Variants in ATAD3C observed in about 807,000 individuals in gnomAD.
ATAD3C encodes the protein ATPase family AAA domain-containing protein 3C.
In ATAD3C, 38 loss-of-function variants were observed where a neutral mutation model predicts 46.3. The observed-to-expected ratio is 0.82, with a 90% CI of 0.63 to 1.08. The LOEUF is 1.08. Among genes scored for constraint, ATAD3C ranks in the 50% least tolerant of loss-of-function variants. The pLI is 0.00. For synonymous variants in ATAD3C, 220 were observed against 236.4 expected, an observed-to-expected ratio of 0.93 and a Z score of 0.63; for missense variants, 563 against 572.7, an observed-to-expected ratio of 0.98 and a Z score of 0.17.
rs538138305 is a variant in ATAD3C, at chr1:1,450,639, C to T, written c.-45C>T. On this transcript the variant is annotated 5_prime_UTR_variant, in exon 1 of 12. Transcript: ENST00000378785. Reference sequence around the variant, plus strand: ...GTGTGCGTGCCTGCCCAGCGGCATCCGTGTATCCTAACACCTGCCCTCCGT... The same window carrying T: ...GTGTGCGTGCCTGCCCAGCGGCATCTGTGTATCCTAACACCTGCCCTCCGT... 8.7e-5 allele frequency: 138 copies of T among 1,588,522 alleles called. No individual in the cohort carries two copies. The African/African-American group carries it at 1.1e-3, about 13-fold the overall frequency.
Position 1,456,271 on chromosome 1 carries a change from G to T in ATAD3C, c.611G>T (p.Gly204Val). ...ATGGACTACGCCATCATGACAGGCG[G>T]GGACGTGGCCCCCATGGGGCGGGAA... ...SGMDYAIMTG[G>V]DVAPMGREGV... Residue 204 changes from glycine to valine, a missense_variant, in exon 7 of 12, where the codon GGG (glycine) becomes GTG (valine). By Grantham distance (109) the Gly-to-Val change is moderately radical. Transcript: ENST00000378785. 2.7e-6 allele frequency: 4 copies of T among 1,487,116 alleles called. No homozygotes were observed. The highest frequency in any genetic ancestry group is 1.8e-4 in the Middle Eastern group (1 of 5,594). 92.1% of individuals were successfully genotyped at this position (1,487,116 alleles called of 1,614,324 possible).
At chr1:1,467,414 C>G (rs542080749) in intron 11 of ATAD3C, among the ~76,000 whole-genome samples, 43 of 151,994 alleles carry the variant, frequency 2.8e-4, no homozygotes, top group African/African-American at 1.0e-3. Context: ...CCCGGGCCCC[C>G]GACCCACAGT....
rs1189515435 is a variant in ATAD3C, at chr1:1,455,475, C to T, written c.394C>T (p.Leu132Phe). Residue 132 changes from leucine (L) to phenylalanine (F), a missense_variant, in exon 5 of 12, where the codon CTC (leucine) becomes TTC (phenylalanine). Leu to Phe is a conservative substitution (Grantham distance 22). Around this residue, in one of 3 missense-constraint regions of ATAD3C, gnomAD observed 263 missense variants for 243.1 expected, o/e 1.08. Coordinates refer to ENST00000378785, the MANE Select transcript of ATAD3C (RefSeq NM_001039211.3). ...TCCCCTCCAGCAGGTCAGCCGGCGG[C>T]TCCTCAGTCGACCCCAGGACGTGCT... ...RHPIQQVSRR[L>F]LSRPQDVLEG... is the part of the protein sequence containing the mutation. 1.2e-6 allele frequency: 2 copies of T among 1,612,544 alleles called. No individual in the cohort carries two copies. The highest frequency in any genetic ancestry group is 2.2e-5 in the South Asian group (2 of 90,930).
intron 3 of ATAD3C, among the ~76,000 whole-genome samples, 168 bp from the exon 4 acceptor site, chr1:1,454,177 G>C (rs866788641): frequency 2.0e-4 from 30 of 152,124 alleles, no homozygotes; most frequent in African/African-American, 6.7e-4. Context: ...TCCTGTAACC[G>C]CGTGGCTGTG....
At chr1:1,461,953 A>G (rs1328673874) in intron 10 of ATAD3C, among the ~76,000 whole-genome samples, 1 of 152,022 alleles carries the variant, frequency 6.6e-6, no homozygotes, top group Non-Finnish European at 1.5e-5. Context: ...AGAGCCCTCC[A>G]GGTGATGAGG....
Position 1,462,869 on chromosome 1 carries a change from C to T in ATAD3C, c.1089+161C>T, listed in dbSNP as rs1557781224. 6.6e-6 allele frequency among the ~76,000 whole-genome samples: 1 copy of T among 152,086 alleles called. No individual in the cohort carries two copies. The highest frequency in any genetic ancestry group is 1.5e-5 in the Non-Finnish European group (1 of 67,986). ...CGGGGCCCCTGCCCCAGTTGGGCCA[C>T]TCCACGCAGCAGCGTGCACCTGCTC... On this transcript the variant is annotated intron_variant, in intron 11 of 11. Coordinates refer to ENST00000378785, the MANE Select transcript of ATAD3C (RefSeq NM_001039211.3). This position sits in a 1 kb window ranked among gnomAD's most constrained non-coding sequence, Gnocchi z 4.5.
rs1448151202 is a variant in ATAD3C at position 1,459,240 on chromosome 1, G to T, written c.812+9G>T. ...GGCCAGCACAGCAACAAGTGAGGGA[G>T]CCCCTCGGGTCCTGGGCCCCCGGGC... On this transcript the variant is annotated intron_variant, in intron 9 of 11. Transcript: ENST00000378785. The surrounding 1 kb of genome is among the most constrained non-coding windows in gnomAD (Gnocchi z 4.9). The T allele has an allele frequency of 6.2e-7, 1 of 1,611,994 alleles. No individual in the cohort carries two copies. Among genetic ancestry groups the T allele is most frequent in the Non-Finnish European group, 8.5e-7 (1 of 1,179,670 alleles).
At chr1:1,450,998 C>T (rs1309904403) in intron 1 of ATAD3C, among the ~76,000 whole-genome samples, 1 of 151,476 alleles carries the variant, frequency 6.6e-6, no homozygotes, top group Admixed American at 6.6e-5. Context: ...GTCCTGAGGG[C>T]CTGGATCTTC....
In ATAD3C at chr1:1,459,269, G is replaced by C. The variant is rs763502640; in HGVS notation, c.812+38G>C. The C allele has an allele frequency of 3.2e-5, 51 of 1,607,106 alleles. No individual in the cohort carries two copies. The highest frequency in any genetic ancestry group is 4.2e-5 in the Non-Finnish European group (50 of 1,179,692). The stretch of plus-strand genomic sequence containing the variant: ...CTCGGGTCCTGGGCCCCCGGGCAGG[G>C]CTGTGCAGCCGTCACCCTTGGTTCC... On this transcript the variant is annotated intron_variant, in intron 9 of 11. Transcript: ENST00000378785. The surrounding 1 kb of genome is among the most constrained non-coding windows in gnomAD (Gnocchi z 4.9).
At chr1:1,461,681 T>TATAC (rs1212531991) in intron 10 of ATAD3C, among the ~76,000 whole-genome samples, 1 of 150,878 alleles carries the variant, frequency 6.6e-6, no homozygotes, top group Non-Finnish European at 1.5e-5. Context: ...GACCCCCATG[T>TATAC]AGGGACTGGA....
rs530666230 is a variant in ATAD3C, at chr1:1,465,483, C to T, written c.1089+2775C>T. On this transcript the variant is annotated intron_variant, in intron 11 of 11. Transcript: ENST00000378785. ...GCAGGTGCCTGTAGTCCCAGCTACT[C>T]GGGAGGCTGAGGCAGGAGAATGGGG... Among the ~76,000 whole-genome samples, 65 of 147,804 alleles carry T rather than the reference C, an allele frequency of 4.4e-4. 1 individual carries two copies. The East Asian group carries it at 0.012, about 28-fold the overall frequency.
In ATAD3C at chr1:1,468,549, C is replaced by G. The variant is rs534598086; in HGVS notation, c.*19C>G. 375 of 1,591,310 alleles carry G rather than the reference C, an allele frequency of 2.4e-4. 5 individuals are homozygous for G. Among genetic ancestry groups the G allele is most frequent in the Non-Finnish European group, 3.0e-4 (356 of 1,167,946 alleles). On this transcript the variant is annotated 3_prime_UTR_variant, in exon 12 of 12. Transcript: ENST00000378785. ...ATCCTGAGTCCATGGGGAGACCACA[C>G]CTCACGGAGCCTGGCCGCGGACCCC...
chr1:1,465,316 G>A (rs938115223), intron 11 of ATAD3C, among the ~76,000 whole-genome samples: 3 of 151,748 alleles, frequency 2.0e-5, no homozygotes, highest in Non-Finnish European at 2.9e-5. Flanking sequence ...TGTGGGCCAG[G>A]CGCGGTGGCT....
At chr1:1,455,654 C>T (rs1462047813) in intron 5 of ATAD3C, 135 bp downstream of exon 5, 37 of 1,559,960 alleles carry the variant, frequency 2.4e-5, no homozygotes, top group East Asian at 1.2e-4. Context: ...TGGACCGTGC[C>T]GGGGATAGAT....
At chr1:1,450,853 T>C (rs1208022583) in intron 1 of ATAD3C, 95 bp downstream of exon 1, 16 of 1,556,746 alleles carry the variant, frequency 1.0e-5, no homozygotes, top group South Asian at 3.5e-5. Flanking sequence ...GGGCCGGGGG[T>C]GTGTACATGG....
In ATAD3C at chr1:1,460,773, G is replaced by A. The variant is rs938264673; in HGVS notation, c.836G>A (p.Cys279Tyr). The A allele has an allele frequency of 1.9e-6, 3 of 1,609,502 alleles. No individual in the cohort carries two copies. The African/African-American group carries it at 4.0e-5, about 22-fold the overall frequency. Residue 279 changes from cysteine to tyrosine, a missense_variant, in exon 10 of 12, where the codon TGC becomes TAC. This residue lies in a region of ATAD3C where 273 missense variants were observed against 253.5 expected (regional missense o/e 1.08). Transcript: ENST00000378785. Reference sequence around the variant, plus strand: ...AGATTCATGCTGATCCTGGCCAGCTGCCACCCCGAGCAGTTCGACTGGGCC... The same window carrying A: ...AGATTCATGCTGATCCTGGCCAGCTACCACCCCGAGCAGTTCGACTGGGCC... ...SNKFMLILAS[C>Y]HPEQFDWAIN...
chr1:1,466,483 G>A (rs1419209374), intron 11 of ATAD3C, among the ~76,000 whole-genome samples: 2 of 149,294 alleles, frequency 1.3e-5, no homozygotes, highest in Non-Finnish European at 3.0e-5. Context: ...AACCCGGGAG[G>A]TGGAGGTTGC....
Position 1,457,017 on chromosome 1 carries a change from G to T in ATAD3C, c.690-112G>T, listed in dbSNP as rs1043464633. 3 of 1,454,570 alleles carry T rather than the reference G, an allele frequency of 2.1e-6. No homozygotes were observed. The East Asian group carries it at 6.8e-5, about 33-fold the overall frequency. 90.1% of individuals were successfully genotyped at this position (1,454,570 alleles called of 1,614,324 possible). On this transcript the variant is annotated intron_variant, in intron 7 of 11. Coordinates refer to ENST00000378785, the MANE Select transcript of ATAD3C (RefSeq NM_001039211.3). Reference sequence around the variant, plus strand: ...AGGACTTAGGGCTCCGTGGGGCAGAGCCTGACCCCGTGGGGATCTGCCTGC... The same window carrying T: ...AGGACTTAGGGCTCCGTGGGGCAGATCCTGACCCCGTGGGGATCTGCCTGC...
chr1:1,450,293 C>A lies in ATAD3C; in HGVS notation c.-391C>A, dbSNP rs150134027. On this transcript the variant is annotated 5_prime_UTR_variant, in exon 1 of 12. Transcript: ENST00000378785. ...TAAGCAGAGATCATGCCACTGCACT[C>A]CAGCCTGGGCCAGAATGAGACTCCG... 7.9e-3 allele frequency: 1,601 copies of A among 201,654 alleles called. 28 individuals carry two copies. The highest frequency in any genetic ancestry group is 0.036 in the African/African-American group (1,487 of 41,754). The allele number at this position is 201,654 out of a possible 1,614,324, so 12.5% of individuals were successfully genotyped here.
Sources: gnomAD v4.1 joint callset for allele counts (sites outside exome capture counted in the v4.1 genomes callset) on GRCh38, gnomAD v4.1.1 for gene constraint, gnomAD v4.1.1 regional missense constraint, Gnocchi (gnomAD v3.1) non-coding constraint, MANE v1.5 for transcripts, NCBI Gene and HGNC (gene_info 2026-07-23, HGNC 2026-07-21) for gene names.